XYLB: variants seen among roughly 807,000 people sequenced by gnomAD.
XYLB encodes xylulokinase.
In XYLB, 62 loss-of-function variants were observed where a neutral mutation model predicts 78.7. The observed-to-expected ratio is 0.79, with a 90% CI of 0.64 to 0.97. XYLB has a LOEUF of 0.97. Among genes scored for constraint, XYLB ranks in the 50% least tolerant of loss-of-function variants. The probability of loss-of-function intolerance (pLI) is 0.00; values close to 1 mark genes in which losing one functional copy is unlikely to be tolerated. For missense variants in XYLB, 687 were observed against 676.8 expected, an observed-to-expected ratio of 1.02 and a Z score of -0.17; for synonymous variants, 245 against 247.4, an observed-to-expected ratio of 0.99 and a Z score of 0.09.
At chr3:38,433,163 A>G in the XYLB span, among the ~76,000 whole-genome samples, 1 of 152,256 alleles carries the variant, frequency 6.6e-6, no homozygotes, top group African/African-American at 2.4e-5. Context: ...GAAGCTGCCA[A>G]GGCTCAGGGC....
chr3:38,420,747 G>T (rs1207764897), downstream of XYLB, among the ~76,000 whole-genome samples: 1 of 151,768 alleles, frequency 6.6e-6, no homozygotes, highest in Non-Finnish European at 1.5e-5. Flanking sequence ...GTAGAGATAG[G>T]GTTTTGCCAT....
downstream of XYLB, among the ~76,000 whole-genome samples, chr3:38,422,648 A>G (rs574319757): frequency 7.2e-4 from 109 of 152,280 alleles, no homozygotes; most frequent in Non-Finnish European, 1.2e-3. Context: ...ATCTGGGACT[A>G]TTCAGCCAAT....
chr3:38,377,361 C>T (rs901022524), intron 14 of XYLB, among the ~76,000 whole-genome samples: 2 of 152,044 alleles, frequency 1.3e-5, no homozygotes, highest in African/African-American at 2.4e-5. Flanking sequence ...CTGCTGAGCC[C>T]AGGAGGTACT....
rs1229161796 is a variant in XYLB, at chr3:38,413,681, C to A, written c.*668C>A. 6.6e-6 allele frequency: 1 copy of A among 152,248 alleles called. No homozygotes were observed. The highest frequency in any genetic ancestry group is 1.5e-5 in the Non-Finnish European group (1 of 68,132). 9.4% of individuals were successfully genotyped at this position (152,248 alleles called of 1,614,324 possible). On this transcript the variant is annotated 3_prime_UTR_variant, in exon 19 of 19. Transcript: ENST00000207870. ...CATCTCTCCTCCCTCCCCAAACTCA[C>A]TTGGCATAATTCACAACCTCCCACC...
chr3:38,370,246 A>ACG, intron 9 of XYLB, 72 bp downstream of exon 9: 2 of 822,828 alleles, frequency 2.4e-6, no homozygotes, highest in East Asian at 2.5e-5. Flanking sequence ...TAGCGCACAC[A>ACG]CACACACACA....
intron 3 of XYLB, 118 bp downstream of exon 3, chr3:38,360,526 C>T: frequency 2.3e-6 from 2 of 855,348 alleles, no homozygotes; most frequent in South Asian, 1.7e-5. Context: ...TCACCAGGTC[C>T]TCATGGGAAG....
chr3:38,386,442 ATC>A (rs1445248439), intron 15 of XYLB, among the ~76,000 whole-genome samples: 1 of 152,128 alleles, frequency 6.6e-6, no homozygotes, highest in Non-Finnish European at 1.5e-5. Context: ...ATTTAATTGA[ATC>A]TATCCATTTA....
At chr3:38,442,869 G>A in the XYLB span, among the ~76,000 whole-genome samples, 7 of 152,022 alleles carry the variant, frequency 4.6e-5, no homozygotes, top group African/African-American at 1.2e-4. Context: ...TGGATTGGGC[G>A]GGCATTTTTG....
intron 18 of XYLB, among the ~76,000 whole-genome samples, chr3:38,412,629 C>T (rs1265621285): frequency 6.6e-6 from 1 of 152,122 alleles, no homozygotes; most frequent in East Asian, 1.9e-4. Context: ...AGAGTTGTAT[C>T]ACCAGCTTTC....
chr3:38,404,134 A>C (rs1404818901), intron 18 of XYLB, among the ~76,000 whole-genome samples: 3 of 152,212 alleles, frequency 2.0e-5, no homozygotes, highest in Non-Finnish European at 4.4e-5. Context: ...ATGAGGAGAA[A>C]TCAAAGCCCC....
In XYLB at chr3:38,365,640, G is replaced by A. The variant is rs1706213907; in HGVS notation, c.411G>A (p.Trp137Ter). 6.2e-7 allele frequency: 1 copy of A among 1,613,794 alleles called. No homozygotes were observed. Among genetic ancestry groups the A allele is most frequent in the South Asian group, 1.1e-5 (1 of 91,054 alleles). The change falls in exon 6 of 19, where the codon TGG (tryptophan) becomes TGA (stop). Residue 137 changes from tryptophan (W) to a stop codon, truncating the protein, a stop_gained. Transcript: ENST00000207870. LOFTEE classifies it high-confidence loss of function. The stretch of plus-strand genomic sequence containing the variant: ...TCTCCATCAGCGACTGCCCGGTGTG[G>A]ATGGACTCCAGCACCACAGCCCAGT... The part of the protein sequence containing the change: ...DCFSISDCPV[W>*]MDSSTTAQCR...
At chr3:38,379,196 AATG>A in intron 14 of XYLB, 47 bp from the exon 15 acceptor site, 1 of 1,575,950 alleles carries the variant, frequency 6.3e-7, no homozygotes, top group Non-Finnish European at 8.7e-7. Flanking sequence ...TACACACACG[AATG>A]GACAATGAGA....
downstream of XYLB, among the ~76,000 whole-genome samples, chr3:38,425,999 A>T (rs1488024918): frequency 1.3e-5 from 2 of 152,192 alleles, no homozygotes; most frequent in Non-Finnish European, 2.9e-5. Flanking sequence ...GGTCCTTGGG[A>T]AGCCTCTCCT....
chr3:38,418,194 CAAAA>C (rs56163697), downstream of XYLB, among the ~76,000 whole-genome samples: 47,074 of 106,754 alleles, frequency 0.44, 9,423 homozygotes, highest in Non-Finnish European at 0.56. Flanking sequence ...GACTCTGTCT[CAAAA>C]AAAAAAAAAA....
intron 18 of XYLB, among the ~76,000 whole-genome samples, chr3:38,404,916 T>C (rs977014059): frequency 6.6e-6 from 1 of 152,228 alleles, no homozygotes; most frequent in African/African-American, 2.4e-5. Context: ...TTGTGTTTAC[T>C]TGCGAGTCGC....
At chr3:38,352,598 G>A (rs1257193276) in intron 2 of XYLB, among the ~76,000 whole-genome samples, 1 of 152,150 alleles carries the variant, frequency 6.6e-6, no homozygotes, top group Non-Finnish European at 1.5e-5. Flanking sequence ...CTTGAGTCCA[G>A]GAGTTCAAGA....
At chr3:38,447,049 C>T in the XYLB span, among the ~76,000 whole-genome samples, 1 of 152,072 alleles carries the variant, frequency 6.6e-6, no homozygotes, top group Non-Finnish European at 1.5e-5. Flanking sequence ...CCAGAATATA[C>T]AAGGAACTCA....
At chr3:38,396,939 C>A in intron 16 of XYLB, 133 bp from the exon 17 acceptor site, 1 of 870,742 alleles carries the variant, frequency 1.1e-6, no homozygotes, top group Non-Finnish European at 1.9e-6. Context: ...GCATACTCCT[C>A]TTAAGGCAGT....
intron 14 of XYLB, 46 bp downstream of exon 14, chr3:38,377,037 G>A (rs775861464): frequency 2.0e-6 from 3 of 1,530,926 alleles, no homozygotes; most frequent in Non-Finnish European, 1.8e-6. Context: ...CCATTTGTGA[G>A]TGTAAAATTT....
Sources: gnomAD v4.1 joint callset for allele counts (sites outside exome capture counted in the v4.1 genomes callset) on GRCh38, gnomAD v4.1.1 for gene constraint, MANE v1.5 for transcripts, NCBI Gene and HGNC (gene_info 2026-07-23, HGNC 2026-07-21) for gene names.